The following BACH2 variants were observed in gnomAD, a reference collection of about 807,000 sequenced individuals.
BACH2 encodes the protein BACH transcriptional regulator 2, also known as transcription regulator protein BACH2.
BACH2 carries 5 observed loss-of-function variants against 61.8 expected under a neutral mutation model. The ratio of observed to expected loss-of-function variants is 0.08; its 90% confidence interval spans 0.04 to 0.17. The LOEUF is 0.17. Ranked by LOEUF, BACH2 falls within the 10% of genes least tolerant of loss-of-function variation. The probability of loss-of-function intolerance (pLI) is 1.00; values close to 1 mark genes in which losing one functional copy is unlikely to be tolerated. For synonymous variants in BACH2, 446 were observed against 440.1 expected, an observed-to-expected ratio of 1.01 and a Z score of -0.17; for missense variants, 824 against 1,091.1, an observed-to-expected ratio of 0.76 and a Z score of 3.45.
intron 4 of BACH2, among the ~76,000 whole-genome samples, chr6:90,093,527 T>A (rs1351995029): frequency 3.9e-5 from 6 of 151,996 alleles, no homozygotes; most frequent in Non-Finnish European, 5.9e-5. Flanking sequence ...CTAGTGAGAG[T>A]GAGGAACTGA....
chr6:90,282,862 AG>A (rs796440710), intron 1 of BACH2, among the ~76,000 whole-genome samples: 13 of 152,004 alleles, frequency 8.6e-5, no homozygotes, highest in African/African-American at 2.9e-4. Context: ...CATTTTTCTT[AG>A]GTGTATACCT....
chr6:90,257,972 C>T (rs890587298), intron 2 of BACH2, among the ~76,000 whole-genome samples: 3 of 152,150 alleles, frequency 2.0e-5, no homozygotes, highest in African/African-American at 7.2e-5. Context: ...GATGGGGTTT[C>T]ACCATGTTGG....
At chr6:90,087,381 C>T (rs4707595) in intron 5 of BACH2, among the ~76,000 whole-genome samples, 46,545 of 151,994 alleles carry the variant, frequency 0.31, 7,659 homozygotes, top group East Asian at 0.67. Flanking sequence ...TTTACACTCA[C>T]ATCGACTCAA....
Position 90,109,715 on chromosome 6 carries a change from T to C in BACH2, c.-161-20606A>G, listed in dbSNP as rs147719148. On this transcript the variant is annotated intron_variant, in intron 4 of 8. Transcript: ENST00000257749. ...TTTCATCACAGCTGCTTGGGACAAA[T>C]ATCTGAAGATGAATCAAAGAGAATA... Among the ~76,000 whole-genome samples the C allele has an allele frequency of 9.9e-5, 15 of 152,282 alleles. No individual in the cohort carries two copies. In the East Asian group the frequency reaches 2.7e-3, roughly 27 times the overall value.
intron 6 of BACH2, chr6:90,001,336 G>A (rs1029222706): frequency 6.6e-6 from 1 of 152,184 alleles, no homozygotes; most frequent in African/African-American, 2.4e-5. Context: ...ATGAAGAACG[G>A]TCCTCCTCTA....
intron 5 of BACH2, among the ~76,000 whole-genome samples, chr6:90,022,972 A>C (rs1237179832): frequency 2.6e-5 from 4 of 152,250 alleles, no homozygotes; most frequent in South Asian, 2.1e-4. Context: ...CATCATGTCT[A>C]TCCGTAGCAG....
chr6:90,296,201 A>T (rs1772374153), intron 1 of BACH2, among the ~76,000 whole-genome samples: 1 of 152,024 alleles, frequency 6.6e-6, no homozygotes, highest in Admixed American at 6.5e-5. Flanking sequence ...ACGCCAGCAA[A>T]ATACAATGCG....
rs1426691201 is a variant in BACH2 at position 89,951,305 on chromosome 6, C to T, written c.801G>A (p.Lys267=). The T allele has an allele frequency of 1.2e-6, 2 of 1,614,114 alleles. No individual in the cohort carries two copies. Among genetic ancestry groups the T allele is most frequent in the Non-Finnish European group, 1.7e-6 (2 of 1,180,064 alleles). Residue 267 remains lysine (K), a synonymous_variant, in exon 7 of 9, where the codon AAG becomes AAA. Coordinates refer to ENST00000257749, the MANE Select transcript of BACH2 (RefSeq NM_021813.4). This position sits in a 1 kb window ranked among gnomAD's most constrained non-coding sequence, Gnocchi z 6.4. The part of the protein sequence containing the change: ...FREDNSSNSL[K]PGLARGQIKS... ...TAATCTGCCCCCTGGCAAGCCCCGG[C>T]TTGAGGCTGTTGCTAGAGTTATCTT...
At chr6:90,161,693 G>GA (rs962551481) in intron 4 of BACH2, among the ~76,000 whole-genome samples, 2 of 151,752 alleles carry the variant, frequency 1.3e-5, no homozygotes, top group South Asian at 2.1e-4. Context: ...TTATTCTGGG[G>GA]AAAAAAAATA....
intron 3 of BACH2, among the ~76,000 whole-genome samples, chr6:90,251,456 T>C (rs1036471304): frequency 1.3e-5 from 2 of 152,168 alleles, no homozygotes; most frequent in African/African-American, 2.4e-5. Context: ...TAACTGAGAA[T>C]GATATAGAAA....
intron 2 of BACH2, among the ~76,000 whole-genome samples, chr6:90,270,368 C>T (rs1771479789): frequency 1.3e-5 from 2 of 152,106 alleles, no homozygotes. Context: ...GCTCCTAGAT[C>T]AGTAAGGTCT....
At chr6:90,203,253 A>T (rs1228652119) in intron 4 of BACH2, among the ~76,000 whole-genome samples, 3 of 151,748 alleles carry the variant, frequency 2.0e-5, no homozygotes, top group Non-Finnish European at 4.4e-5. Context: ...TCTACAAAAA[A>T]TACAAAAATT....
At chr6:90,218,856 G>A (rs1014092079) in intron 3 of BACH2, among the ~76,000 whole-genome samples, 5 of 152,000 alleles carry the variant, frequency 3.3e-5, no homozygotes, top group Admixed American at 1.3e-4. Flanking sequence ...CCAGGTGAAC[G>A]AGGCCTGTCA....
intron 6 of BACH2, among the ~76,000 whole-genome samples, chr6:89,997,223 A>C (rs79786487): frequency 0.033 from 5,045 of 152,298 alleles, 125 homozygotes; most frequent in Non-Finnish European, 0.051. Flanking sequence ...GGAGGAATGG[A>C]AAGACTTTGT....
chr6:90,288,620 T>C (rs1243647937), intron 1 of BACH2, among the ~76,000 whole-genome samples: 1 of 152,134 alleles, frequency 6.6e-6, no homozygotes, highest in Non-Finnish European at 1.5e-5. Context: ...GCCTGAGTCC[T>C]TTAAAACCAT....
intron 4 of BACH2, among the ~76,000 whole-genome samples, chr6:90,173,240 C>T (rs1165400376): frequency 6.6e-6 from 1 of 151,920 alleles, no homozygotes; most frequent in Non-Finnish European, 1.5e-5. Flanking sequence ...TTAGTGCAAT[C>T]AATAATTAGT....
intron 3 of BACH2, among the ~76,000 whole-genome samples, chr6:90,242,321 A>G (rs1051348502): frequency 2.0e-5 from 3 of 152,162 alleles, no homozygotes; most frequent in Non-Finnish European, 4.4e-5. Context: ...TGCCTTTTCT[A>G]TAGTTTAAAT....
chr6:90,195,194 C>G (rs975853080), intron 4 of BACH2, among the ~76,000 whole-genome samples: 3 of 152,124 alleles, frequency 2.0e-5, no homozygotes, highest in African/African-American at 4.8e-5. Context: ...CACCTCCCCC[C>G]TCCCCCATCT....
chr6:90,213,169 G>T (rs1433998115), intron 3 of BACH2, among the ~76,000 whole-genome samples: 2 of 152,168 alleles, frequency 1.3e-5, no homozygotes, highest in Middle Eastern at 3.2e-3. Context: ...TGAAAGGTCA[G>T]GTCTGGGAAG....
Sources: gnomAD v4.1 joint callset for allele counts (sites outside exome capture counted in the v4.1 genomes callset) on GRCh38, gnomAD v4.1.1 for gene constraint, Gnocchi (gnomAD v3.1) non-coding constraint, MANE v1.5 for transcripts, NCBI Gene and HGNC (gene_info 2026-07-23, HGNC 2026-07-21) for gene names.